ABCB1: variants seen among roughly 807,000 people sequenced by gnomAD.
ABCB1 encodes the protein ATP-dependent translocase ABCB1.
Under a neutral mutation model 142.0 loss-of-function variants are expected in ABCB1, and 69 were observed. That is an observed-to-expected ratio of 0.49 (90% confidence interval 0.40 to 0.59). ABCB1 has a LOEUF of 0.59. Among genes scored for constraint, ABCB1 ranks in the 20% least tolerant of loss-of-function variants. The pLI, the probability that ABCB1 is intolerant of heterozygous loss-of-function variation, is 0.00. For missense variants in ABCB1, 1,326 were observed against 1,554.7 expected (o/e 0.85, Z 2.47); for synonymous variants, 532 against 539.2 (o/e 0.99, Z 0.18).
chr7:87,609,617 A>G (rs551832269), intron 1 of ABCB1, among the ~76,000 whole-genome samples: 24 of 152,210 alleles, frequency 1.6e-4, no homozygotes, highest in Admixed American at 3.3e-4. Context: ...GACAGGCGCA[A>G]TCATATTCTC....
At chr7:87,562,877 T>C (rs527404179) in intron 7 of ABCB1, among the ~76,000 whole-genome samples, 1 of 151,384 alleles carries the variant, frequency 6.6e-6, no homozygotes, top group Non-Finnish European at 1.5e-5. Context: ...AGTGGGAGAA[T>C]CACTTGAGGC....
upstream of ABCB1, chr7:87,601,182 T>G (rs1308678883): frequency 6.6e-6 from 1 of 152,232 alleles, no homozygotes; most frequent in Non-Finnish European, 1.5e-5. Flanking sequence ...CATATCCATA[T>G]AACTACAGGA....
At chr7:87,676,703 CAAAAAAAAAA>C (rs57480483) in intron 1 of ABCB1, among the ~76,000 whole-genome samples, 1 of 45,432 alleles carries the variant, frequency 2.2e-5, no homozygotes, top group East Asian at 6.8e-4. Flanking sequence ...GACCCTGTCT[CAAAAAAAAAA>C]AAAAAAAAAA....
intron 2 of ABCB1, among the ~76,000 whole-genome samples, chr7:87,596,097 A>G (rs916179462): frequency 2.6e-5 from 4 of 152,036 alleles, no homozygotes; most frequent in African/African-American, 9.7e-5. Context: ...TGCTATGATG[A>G]ATACATACAT....
At chr7:87,543,784 G>T (rs1302935364) in intron 17 of ABCB1, among the ~76,000 whole-genome samples, 1 of 152,146 alleles carries the variant, frequency 6.6e-6, no homozygotes, top group African/African-American at 2.4e-5. Context: ...AAACATTTGA[G>T]GAACTCTCTT....
intron 26 of ABCB1, among the ~76,000 whole-genome samples, chr7:87,507,261 C>T (rs573247718): frequency 6.6e-6 from 1 of 152,144 alleles, no homozygotes; most frequent in Non-Finnish European, 1.5e-5. Flanking sequence ...CTGTGGTAGA[C>T]AAATGCCAGA....
chr7:87,552,367 A>C (rs780859505), intron 9 of ABCB1, among the ~76,000 whole-genome samples: 1 of 152,184 alleles, frequency 6.6e-6, no homozygotes, highest in Non-Finnish European at 1.5e-5. Flanking sequence ...AACACGCTGA[A>C]AGTTAGGGTT....
chr7:87,582,836 A>G (rs541786256), intron 4 of ABCB1, among the ~76,000 whole-genome samples: 1 of 152,178 alleles, frequency 6.6e-6, no homozygotes, highest in Non-Finnish European at 1.5e-5. Context: ...AATGATTTCA[A>G]AATGTAAAAT....
At chr7:87,525,935 A>C (rs957690186) in intron 21 of ABCB1, among the ~76,000 whole-genome samples, 1 of 152,178 alleles carries the variant, frequency 6.6e-6, no homozygotes, top group African/African-American at 2.4e-5. Context: ...AGAAGGGTCC[A>C]TGTCATAAAA....
chr7:87,596,696 T>A (rs757719719), intron 2 of ABCB1, among the ~76,000 whole-genome samples: 1 of 152,046 alleles, frequency 6.6e-6, no homozygotes. Context: ...TTCATCTTTG[T>A]CTTTGTTCTT....
intron 9 of ABCB1, among the ~76,000 whole-genome samples, chr7:87,553,291 T>C (rs2129728792): frequency 6.6e-6 from 1 of 151,776 alleles, no homozygotes. Context: ...AAAAACTGGT[T>C]GTCGGATGCA....
chr7:87,519,593 T>G, intron 22 of ABCB1, 127 bp from the exon 23 acceptor site: 1 of 1,086,250 alleles, frequency 9.2e-7, no homozygotes, highest in Non-Finnish European at 1.4e-6. Context: ...TCCAAAGAAC[T>G]AAGTTTGGTC....
chr7:87,664,411 A>G (rs1159588901), intron 1 of ABCB1, among the ~76,000 whole-genome samples: 2 of 152,194 alleles, frequency 1.3e-5, no homozygotes, highest in African/African-American at 4.8e-5. Context: ...AATGTGATCA[A>G]TTCTCAAAGG....
chr7:87,630,502 G>A (rs1821106655), intron 1 of ABCB1, among the ~76,000 whole-genome samples: 1 of 151,994 alleles, frequency 6.6e-6, no homozygotes, highest in African/African-American at 2.4e-5. Context: ...CTTTAAAGTA[G>A]GTAAATGGAA....
At chr7:87,683,016 C>T (rs1012408324) in intron 1 of ABCB1, among the ~76,000 whole-genome samples, 2 of 152,228 alleles carry the variant, frequency 1.3e-5, no homozygotes, top group South Asian at 2.1e-4. Context: ...GTTAGCACAA[C>T]TTCTCCATCA....
chr7:87,530,216 C>A (rs1815975075), intron 21 of ABCB1, among the ~76,000 whole-genome samples: 1 of 152,188 alleles, frequency 6.6e-6, no homozygotes, highest in South Asian at 2.1e-4. Flanking sequence ...TCAGAATGTT[C>A]ATCACACATA....
At chr7:87,616,948 T>C (rs1183303824) in intron 1 of ABCB1, among the ~76,000 whole-genome samples, 1 of 152,170 alleles carries the variant, frequency 6.6e-6, no homozygotes, top group Non-Finnish European at 1.5e-5. Flanking sequence ...GCAAGCAAAC[T>C]TGCACAAATT....
intron 21 of ABCB1, among the ~76,000 whole-genome samples, chr7:87,529,397 T>G (rs1395903149): frequency 6.6e-6 from 1 of 152,136 alleles, no homozygotes; most frequent in African/African-American, 2.4e-5. Context: ...TGTGGACTGG[T>G]TGGTGCAGAT....
Position 87,520,868 on chromosome 7 carries a change from A to C in ABCB1, c.2694T>G (p.Thr898=). 1 of 1,613,778 alleles carries C rather than the reference A, an allele frequency of 6.2e-7. No individual in the cohort carries two copies. Among genetic ancestry groups the C allele is most frequent in the South Asian group, 1.1e-5 (1 of 91,078 alleles). ...KELEGSGKIA[T]EAIENFRTVV... is the part of the protein sequence containing the mutation. Reference sequence around the variant, plus strand: ...CGGTTCGGAAGTTTTCTATTGCTTCAGTAGCGATCTGTAACAGACAGCACC... The same window carrying C: ...CGGTTCGGAAGTTTTCTATTGCTTCCGTAGCGATCTGTAACAGACAGCACC... Residue 898 remains threonine, a synonymous_variant, in exon 22 of 28, where the codon ACT becomes ACG. Transcript: ENST00000622132.
Sources: gnomAD v4.1 joint callset for allele counts (sites outside exome capture counted in the v4.1 genomes callset) on GRCh38, gnomAD v4.1.1 for gene constraint, MANE v1.5 for transcripts, NCBI Gene and HGNC (gene_info 2026-07-23, HGNC 2026-07-21) for gene names.